Variants in GRID1 observed in about 807,000 individuals in gnomAD.
The protein encoded by GRID1 is glutamate receptor ionotropic, delta-1.
GRID1 carries 28 observed loss-of-function variants against 98.0 expected under a neutral mutation model. The ratio of observed to expected loss-of-function variants is 0.29; its 90% CI spans 0.21 to 0.39. GRID1 has a LOEUF of 0.39. GRID1 is among the 10% of genes least tolerant of loss of function. The pLI is 1.00. For missense variants in GRID1, 1,111 were observed against 1,340.5 expected (o/e 0.83, Z 2.67); for synonymous variants, 553 against 538.5 (o/e 1.03, Z -0.37).
chr10:85,973,586 G>C (rs1842434553), intron 4 of GRID1, among the ~76,000 whole-genome samples: 1 of 152,014 alleles, frequency 6.6e-6, no homozygotes, highest in African/African-American at 2.4e-5. Context: ...GTTAATACTG[G>C]CCCCCTTCAT....
At chr10:86,098,680 TG>T (rs1844254275) in intron 4 of GRID1, among the ~76,000 whole-genome samples, 1 of 152,230 alleles carries the variant, frequency 6.6e-6, no homozygotes, top group African/African-American at 2.4e-5. Flanking sequence ...TCCCCAGCAC[TG>T]CATGTTCTTT....
intron 2 of GRID1, among the ~76,000 whole-genome samples, chr10:86,309,025 T>C (rs1320792437): frequency 6.6e-6 from 1 of 152,224 alleles, no homozygotes; most frequent in Non-Finnish European, 1.5e-5. Flanking sequence ...TCTAAAAATA[T>C]ATTTATCTAG....
chr10:85,688,128 A>G (rs1255237893), intron 12 of GRID1, among the ~76,000 whole-genome samples: 2 of 152,366 alleles, frequency 1.3e-5, no homozygotes, highest in Non-Finnish European at 1.5e-5. Context: ...ATAGAAAAGT[A>G]AAACAACAAA....
intron 8 of GRID1, among the ~76,000 whole-genome samples, chr10:85,793,520 G>T (rs1452858514): frequency 6.6e-6 from 1 of 152,198 alleles, no homozygotes; most frequent in Non-Finnish European, 1.5e-5. Flanking sequence ...GGTCAGGAAA[G>T]ACATGACTGG....
chr10:86,057,819 T>G (rs1843595282), intron 4 of GRID1, among the ~76,000 whole-genome samples: 1 of 152,146 alleles, frequency 6.6e-6, no homozygotes. Flanking sequence ...ATGGAACTGT[T>G]TAGTTAATGT....
chr10:85,776,224 C>A lies in GRID1; in HGVS notation c.1234-46610G>T, dbSNP rs546277527. ...AGAGAAGACTACAAAGATAAGCAAG[C>A]AGCTCTTGATGTTATGGGCCCAGGA... On this transcript the variant is annotated intron_variant, in intron 8 of 15. Coordinates refer to ENST00000327946, the MANE Select transcript of GRID1 (RefSeq NM_017551.3). Among the ~76,000 whole-genome samples, 117 of 152,188 alleles carry A rather than the reference C, an allele frequency of 7.7e-4. 1 individual carries two copies. In the South Asian group the frequency reaches 0.022, roughly 29 times the overall value.
chr10:85,897,570 G>C (rs1264448566), intron 5 of GRID1, among the ~76,000 whole-genome samples: 1 of 152,160 alleles, frequency 6.6e-6, no homozygotes, highest in Non-Finnish European at 1.5e-5. Context: ...TGGAGTTAAT[G>C]TTATTGAGTG....
chr10:85,619,930 C>A lies in GRID1; in HGVS notation c.2297G>T (p.Ser766Ile). 6.2e-7 allele frequency: 1 copy of A among 1,614,202 alleles called. No individual in the cohort carries two copies. The highest frequency in any genetic ancestry group is 8.5e-7 in the Non-Finnish European group (1 of 1,180,006). The change falls in exon 14 of 16, where the codon AGC becomes ATC. Residue 766 changes from serine to isoleucine, a missense_variant. By Grantham distance (142) the Ser-to-Ile change is moderately radical. Coordinates refer to ENST00000327946, the MANE Select transcript of GRID1 (RefSeq NM_017551.3). Reference protein sequence around the residue: ...CSVTVIGNSISSKGYGIALQH... With the variant: ...CSVTVIGNSIISKGYGIALQH... ...CAGGGCAATCCCGTAACCCTTGCTG[C>A]TGATGCTGTTGCCGATGACAGTCAC...
chr10:85,829,984 A>G (rs1842853379), intron 8 of GRID1, among the ~76,000 whole-genome samples: 1 of 152,230 alleles, frequency 6.6e-6, no homozygotes, highest in Non-Finnish European at 1.5e-5. Flanking sequence ...GGAACCAAAA[A>G]GAGCCCAAAT....
chr10:85,722,302 T>C (rs1315720920), intron 12 of GRID1, among the ~76,000 whole-genome samples: 1 of 152,206 alleles, frequency 6.6e-6, no homozygotes, highest in Non-Finnish European at 1.5e-5. Flanking sequence ...GAAGCCAATA[T>C]TGTACCCAAT....
intron 4 of GRID1, among the ~76,000 whole-genome samples, chr10:86,062,269 C>T (rs938873260): frequency 6.6e-6 from 1 of 152,050 alleles, no homozygotes; most frequent in African/African-American, 2.4e-5. Flanking sequence ...GCATCTCATA[C>T]ACACACACAG....
intron 4 of GRID1, among the ~76,000 whole-genome samples, chr10:85,977,672 C>T (rs1842489744): frequency 6.6e-6 from 1 of 152,230 alleles, no homozygotes; most frequent in South Asian, 2.1e-4. Flanking sequence ...CTGTCCCTCT[C>T]CAGACACAAC....
At chr10:85,899,390 C>T (rs1378035675) in intron 5 of GRID1, among the ~76,000 whole-genome samples, 1 of 152,070 alleles carries the variant, frequency 6.6e-6, no homozygotes, top group African/African-American at 2.4e-5. Flanking sequence ...TGCAGATATC[C>T]CTTTGATACA....
chr10:86,189,981 G>A (rs930402490), intron 3 of GRID1, among the ~76,000 whole-genome samples: 17 of 152,100 alleles, frequency 1.1e-4, no homozygotes, highest in Admixed American at 3.9e-4. Flanking sequence ...CTGTGCTCAG[G>A]CTGTTACCTC....
At chr10:85,859,387 TGATG>T (rs375821889) in intron 6 of GRID1, among the ~76,000 whole-genome samples, 205 of 149,818 alleles carry the variant, frequency 1.4e-3, no homozygotes, top group Non-Finnish European at 1.6e-3. Flanking sequence ...AGTGATGAAG[TGATG>T]GATGGATGGA....
At chr10:85,929,936 C>T (rs1373052061) in intron 4 of GRID1, among the ~76,000 whole-genome samples, 3 of 152,198 alleles carry the variant, frequency 2.0e-5, no homozygotes, top group African/African-American at 7.2e-5. Context: ...ATCCTCTCAT[C>T]CTTTCATTTC....
At chr10:85,985,149 C>A (rs1233157740) in intron 4 of GRID1, among the ~76,000 whole-genome samples, 2 of 152,038 alleles carry the variant, frequency 1.3e-5, no homozygotes, top group Non-Finnish European at 2.9e-5. Context: ...AAAATTGCAC[C>A]CAAATTAGAA....
intron 8 of GRID1, among the ~76,000 whole-genome samples, chr10:85,749,101 C>T (rs1213667051): frequency 6.6e-6 from 1 of 152,182 alleles, no homozygotes; most frequent in Non-Finnish European, 1.5e-5. Context: ...ACAGATATCC[C>T]TATTTTTACT....
At chr10:86,286,916 C>A (rs1847439526) in intron 2 of GRID1, among the ~76,000 whole-genome samples, 1 of 152,224 alleles carries the variant, frequency 6.6e-6, no homozygotes, top group Non-Finnish European at 1.5e-5. Flanking sequence ...TGTGGTATGA[C>A]CACCACTGCC....
Sources: gnomAD v4.1 joint callset for allele counts (sites outside exome capture counted in the v4.1 genomes callset) on GRCh38, gnomAD v4.1.1 for gene constraint, MANE v1.5 for transcripts, NCBI Gene and HGNC (gene_info 2026-07-23, HGNC 2026-07-21) for gene names.